Variants in GRM1 observed in about 807,000 individuals in gnomAD.
The protein encoded by GRM1 is glutamate metabotropic receptor 1, also known as metabotropic glutamate receptor 1.
GRM1 carries 33 observed loss-of-function variants against 90.9 expected under a neutral mutation model. The observed-to-expected ratio is 0.36, with a 90% CI of 0.28 to 0.49. The LOEUF is 0.49. Among genes scored for constraint, GRM1 ranks in the 20% least tolerant of loss-of-function variants. The pLI is 0.99. For synonymous variants in GRM1, 700 were observed against 613.2 expected (o/e 1.14, Z -2.09); for missense variants, 1,190 against 1,534.3 (o/e 0.78, Z 3.75).
intron 1 of GRM1, among the ~76,000 whole-genome samples, chr6:146,069,428 A>G (rs1246741311): frequency 6.6e-6 from 1 of 152,190 alleles, no homozygotes; most frequent in Non-Finnish European, 1.5e-5. Context: ...GACCATCTCT[A>G]GATTGTGTTA....
At chr6:146,089,687 T>C (rs1253885763) in intron 1 of GRM1, among the ~76,000 whole-genome samples, 1 of 152,086 alleles carries the variant, frequency 6.6e-6, no homozygotes, top group Non-Finnish European at 1.5e-5. Flanking sequence ...TTTTAATAGG[T>C]GATGCCAGGT....
intron 2 of GRM1, among the ~76,000 whole-genome samples, chr6:146,173,475 C>T (rs1268154010): frequency 1.3e-5 from 2 of 151,298 alleles, no homozygotes; most frequent in South Asian, 2.1e-4. Flanking sequence ...CTTGATTCTT[C>T]CAATCCTATC....
chr6:146,213,902 G>A (rs1263531844), intron 2 of GRM1, among the ~76,000 whole-genome samples: 2 of 152,126 alleles, frequency 1.3e-5, no homozygotes, highest in African/African-American at 4.8e-5. Flanking sequence ...AACTCTTAGT[G>A]TGAGGCAGAA....
At chr6:146,370,790 C>T (rs1158824994) in intron 5 of GRM1, among the ~76,000 whole-genome samples, 5 of 152,016 alleles carry the variant, frequency 3.3e-5, no homozygotes, top group South Asian at 2.1e-4. Flanking sequence ...TCCATCTACA[C>T]GTCCCCTCAT....
At chr6:146,306,179 A>G (rs901194002) in intron 3 of GRM1, among the ~76,000 whole-genome samples, 1 of 152,190 alleles carries the variant, frequency 6.6e-6, no homozygotes, top group African/African-American at 2.4e-5. Context: ...GGCGAAAGGC[A>G]GGAGAAAGGG....
At chr6:146,106,702 A>G (rs1775316157) in intron 1 of GRM1, among the ~76,000 whole-genome samples, 1 of 152,218 alleles carries the variant, frequency 6.6e-6, no homozygotes, top group Non-Finnish European at 1.5e-5. Context: ...AAAATCCTTT[A>G]GTTTATCACT....
At chr6:146,431,670 G>C (rs776161500) in intron 7 of GRM1, among the ~76,000 whole-genome samples, 2 of 152,092 alleles carry the variant, frequency 1.3e-5, no homozygotes, top group Non-Finnish European at 2.9e-5. Flanking sequence ...TTTTCCTGGT[G>C]AACATTAAAA....
chr6:146,414,194 T>C (rs1200591219), intron 7 of GRM1, among the ~76,000 whole-genome samples: 1 of 152,132 alleles, frequency 6.6e-6, no homozygotes, highest in East Asian at 1.9e-4. Context: ...TTGGTGTTGA[T>C]AGTCTTTTAA....
At chr6:146,408,324 A>G (rs1426115682) in intron 7 of GRM1, among the ~76,000 whole-genome samples, 2 of 152,192 alleles carry the variant, frequency 1.3e-5, no homozygotes, top group Non-Finnish European at 2.9e-5. Context: ...AGCTCATAGC[A>G]GATGTCTATC....
chr6:146,200,544 A>G (rs970947611), intron 2 of GRM1, among the ~76,000 whole-genome samples: 2 of 152,160 alleles, frequency 1.3e-5, no homozygotes, highest in African/African-American at 4.8e-5. Flanking sequence ...ATGCAGGAGC[A>G]TGCATATATT....
chr6:146,304,822 C>T lies in GRM1; in HGVS notation c.1162C>T (p.Pro388Ser), dbSNP rs367999508. ...CCTTCCAGGACACCTTCTGGAAAAT[C>T]CCAACTTTAAACGAATCTGCACAGG... ...CRLPGHLLEN[P>S]NFKRICTGNE... The change falls in exon 3 of 8, where the codon CCC becomes TCC. Residue 388 changes from proline (P) to serine (S), a missense_variant. This residue lies in a region of GRM1 where 414 missense variants were observed against 598.4 expected (regional missense o/e 0.69). Coordinates refer to ENST00000282753, the MANE Select transcript of GRM1 (RefSeq NM_001278064.2). 2 of 1,613,074 alleles carry T rather than the reference C, an allele frequency of 1.2e-6. No individual in the cohort carries two copies. Among genetic ancestry groups the T allele is most frequent in the Admixed American group, 3.3e-5 (2 of 59,958 alleles).
At chr6:146,088,080 C>A (rs926529595) in intron 1 of GRM1, among the ~76,000 whole-genome samples, 1 of 152,144 alleles carries the variant, frequency 6.6e-6, no homozygotes, top group Non-Finnish European at 1.5e-5. Context: ...GATACGTTTT[C>A]TCTACATCCT....
intron 1 of GRM1, among the ~76,000 whole-genome samples, chr6:146,138,746 A>T (rs1219102436): frequency 6.6e-6 from 1 of 151,640 alleles, no homozygotes; most frequent in African/African-American, 2.4e-5. Flanking sequence ...AGTATGTCTA[A>T]AGGTTTGTCT....
chr6:146,338,734 G>A (rs1302688812), intron 3 of GRM1, among the ~76,000 whole-genome samples: 1 of 152,094 alleles, frequency 6.6e-6, no homozygotes, highest in Non-Finnish European at 1.5e-5. Context: ...GAATGTTATG[G>A]GGGTACAAGT....
chr6:146,373,463 C>T (rs138844181), intron 5 of GRM1, among the ~76,000 whole-genome samples: 1 of 152,130 alleles, frequency 6.6e-6, no homozygotes, highest in Non-Finnish European at 1.5e-5. Context: ...AGAACTCTAT[C>T]GTGAGACAGC....
chr6:146,180,239 A>G (rs1158788841), intron 2 of GRM1, among the ~76,000 whole-genome samples: 2 of 143,830 alleles, frequency 1.4e-5, no homozygotes, highest in Non-Finnish European at 3.2e-5. Flanking sequence ...TTATGCAGAT[A>G]TTAACTTCTT....
At position 146,417,829 on chromosome 6, in the gene GRM1, T is replaced by C. The variant is rs538185045; in HGVS notation, c.2661-16043T>C. Among the ~76,000 whole-genome samples, 22 of 152,312 alleles carry C rather than the reference T, an allele frequency of 1.4e-4. No individual in the cohort carries two copies. The South Asian group carries it at 4.1e-3, about 29-fold the overall frequency. On this transcript the variant is annotated intron_variant, in intron 7 of 7. Transcript: ENST00000282753. ...AACTTTTGGCAAGTTGTTTTCATCA[T>C]CCTTTTCTCTTCCCCTCTGTAATAA...
intron 2 of GRM1, among the ~76,000 whole-genome samples, chr6:146,232,527 A>C (rs554298115): frequency 6.6e-6 from 1 of 152,174 alleles, no homozygotes; most frequent in South Asian, 2.1e-4. Context: ...TTTTTGTTAC[A>C]AACAATCCAA....
At chr6:146,072,741 G>A (rs796090202) in intron 1 of GRM1, among the ~76,000 whole-genome samples, 11 of 152,144 alleles carry the variant, frequency 7.2e-5, no homozygotes, top group African/African-American at 2.4e-4. Flanking sequence ...TAAAGCAAAA[G>A]ACAATAAACT....
Sources: allele counts gnomAD v4.1 joint callset (sites outside exome capture counted in the v4.1 genomes callset), GRCh38; gene constraint gnomAD v4.1.1; regional missense constraint gnomAD v4.1.1; transcripts MANE v1.5; gene names NCBI Gene and HGNC (gene_info 2026-07-23, HGNC 2026-07-21).